CORIN: variants seen among roughly 807,000 people sequenced by gnomAD.
CORIN encodes atrial natriuretic peptide-converting enzyme.
CORIN carries 117 observed loss-of-function variants against 125.3 expected under a neutral mutation model. The observed-to-expected ratio is 0.93, with a 90% CI of 0.80 to 1.09. CORIN has a LOEUF of 1.09. Among genes scored for constraint, CORIN ranks in the 50% least tolerant of loss-of-function variants. The pLI is 0.00. For synonymous variants in CORIN, 450 were observed against 466.4 expected (o/e 0.96, Z 0.45); for missense variants, 1,253 against 1,306.7 (o/e 0.96, Z 0.63).
intron 4 of CORIN, among the ~76,000 whole-genome samples, chr4:47,755,261 C>T (rs937360985): frequency 1.3e-5 from 2 of 152,158 alleles, no homozygotes; most frequent in African/African-American, 2.4e-5. Context: ...CTTTCAATTA[C>T]TAGTTCTATT....
intron 2 of CORIN, 55 bp downstream of exon 2, chr4:47,806,848 G>C: frequency 6.5e-7 from 1 of 1,543,662 alleles, no homozygotes; most frequent in East Asian, 2.4e-5. Context: ...CACTCTTCTA[G>C]ATCATGCTAA....
chr4:47,667,962 C>G (rs555728905), intron 10 of CORIN, among the ~76,000 whole-genome samples: 1 of 152,200 alleles, frequency 6.6e-6, no homozygotes, highest in African/African-American at 2.4e-5. Flanking sequence ...GGTACAGCCC[C>G]CAAGAATGGG....
chr4:47,751,963 C>A (rs139397658), intron 4 of CORIN, among the ~76,000 whole-genome samples: 6 of 151,822 alleles, frequency 4.0e-5, no homozygotes, highest in African/African-American at 7.3e-5. Context: ...CAGGCCCCCC[C>A]ACCCACACTC....
intron 5 of CORIN, among the ~76,000 whole-genome samples, chr4:47,698,028 T>C (rs182476563): frequency 4.0e-5 from 6 of 151,762 alleles, no homozygotes; most frequent in African/African-American, 1.4e-4. Context: ...ATAACTATTA[T>C]TCTGTATATT....
intron 4 of CORIN, among the ~76,000 whole-genome samples, chr4:47,746,624 T>C (rs2109840951): frequency 6.6e-6 from 1 of 151,906 alleles, no homozygotes; most frequent in South Asian, 2.1e-4. Context: ...AGGCTCTGCC[T>C]CCTGGTTTCA....
chr4:47,723,076 C>T (rs1054098837), intron 5 of CORIN, among the ~76,000 whole-genome samples: 2 of 152,148 alleles, frequency 1.3e-5, no homozygotes, highest in African/African-American at 2.4e-5. Context: ...CGGGGAGTCC[C>T]CTGAGACATC....
At chr4:47,618,819 CA>C (rs34913715) in intron 19 of CORIN, among the ~76,000 whole-genome samples, 45,241 of 128,024 alleles carry the variant, frequency 0.35, 6,928 homozygotes, top group Admixed American at 0.45. Context: ...CTCTGTCTCA[CA>C]AAAAAAAAAA....
In CORIN at chr4:47,637,746, G is replaced by T. The variant is rs181906518; in HGVS notation, c.2198+4174C>A. Among the ~76,000 whole-genome samples the T allele has an allele frequency of 2.5e-3, 382 of 152,338 alleles. 6 individuals carry two copies. Among genetic ancestry groups the T allele is most frequent in the East Asian group, 5.2e-3 (27 of 5,180 alleles). On this transcript the variant is annotated intron_variant, in intron 16 of 21. Transcript: ENST00000273857. ...GCCTAGGCAGAAGTTTGCTGCAGGG[G>T]TGGGGCCCTCATGGAGAACCTCTGC... is the stretch of plus-strand genomic sequence containing the variant.
At chr4:47,641,511 A>G (rs926074044) in intron 16 of CORIN, among the ~76,000 whole-genome samples, 11 of 152,202 alleles carry the variant, frequency 7.2e-5, no homozygotes, top group Admixed American at 4.6e-4. Context: ...CCTTACTTAG[A>G]GTAAACAGAA....
chr4:47,605,770 T>C (rs1456487059), intron 19 of CORIN, among the ~76,000 whole-genome samples: 1 of 152,148 alleles, frequency 6.6e-6, no homozygotes, highest in Non-Finnish European at 1.5e-5. Context: ...GTCTGTATTT[T>C]TAAGAGCTCT....
At chr4:47,694,369 CTT>C (rs915398823) in intron 5 of CORIN, among the ~76,000 whole-genome samples, 7 of 152,002 alleles carry the variant, frequency 4.6e-5, no homozygotes, top group African/African-American at 1.7e-4. Context: ...AAAAAAATAA[CTT>C]TTTTATGAGC....
At chr4:47,667,542 C>A (rs142438850) in intron 10 of CORIN, among the ~76,000 whole-genome samples, 1,620 of 152,126 alleles carry the variant, frequency 0.011, 30 homozygotes, top group African/African-American at 0.038. Context: ...GGTATCCATG[C>A]AAATAGATTT....
At position 47,595,532 on chromosome 4, in the gene CORIN, G is replaced by C; in HGVS notation, c.*189C>G. 3 of 404,156 alleles carry C rather than the reference G, an allele frequency of 7.4e-6. 1 individual carries two copies. The South Asian group carries it at 2.3e-4, about 31-fold the overall frequency. 25.0% of individuals were successfully genotyped at this position (404,156 alleles called of 1,614,324 possible). On this transcript the variant is annotated 3_prime_UTR_variant, in exon 22 of 22. Transcript: ENST00000273857. ...GTCTTTCATTGAACTTGAAATAAGA[G>C]AAAAATGAAGGTGAAAAAATAAATT...
intron 13 of CORIN, among the ~76,000 whole-genome samples, chr4:47,650,534 T>C (rs1723692330): frequency 6.6e-6 from 1 of 152,164 alleles, no homozygotes; most frequent in Non-Finnish European, 1.5e-5. Context: ...CTCAAATCTA[T>C]AGAGTGATAG....
At chr4:47,737,287 C>CAT (rs1728176118) in intron 5 of CORIN, among the ~76,000 whole-genome samples, 1 of 152,182 alleles carries the variant, frequency 6.6e-6, no homozygotes, top group South Asian at 2.1e-4. Context: ...TACGTGTGAT[C>CAT]ATATATGTGT....
intron 3 of CORIN, among the ~76,000 whole-genome samples, chr4:47,779,137 T>C (rs921861899): frequency 2.6e-5 from 4 of 152,226 alleles, no homozygotes; most frequent in Non-Finnish European, 5.9e-5. Flanking sequence ...GTTACAAACA[T>C]TTCAAGATAT....
intron 19 of CORIN, among the ~76,000 whole-genome samples, chr4:47,605,114 A>T (rs1208046846): frequency 6.6e-6 from 1 of 152,102 alleles, no homozygotes; most frequent in African/African-American, 2.4e-5. Context: ...CTCAAGCATC[A>T]TCTGCTCAGA....
At chr4:47,811,607 C>G (rs1732065814) in intron 1 of CORIN, among the ~76,000 whole-genome samples, 1 of 152,154 alleles carries the variant, frequency 6.6e-6, no homozygotes. Flanking sequence ...GTTGTCCTTT[C>G]AAATATTCCT....
chr4:47,660,629 T>A (rs2109662065), intron 12 of CORIN, among the ~76,000 whole-genome samples: 1 of 152,202 alleles, frequency 6.6e-6, no homozygotes, highest in South Asian at 2.1e-4. Flanking sequence ...CAATGAGGTA[T>A]CATCTCACCC....
Sources: allele counts gnomAD v4.1 joint callset (sites outside exome capture counted in the v4.1 genomes callset), GRCh38; gene constraint gnomAD v4.1.1; transcripts MANE v1.5; gene names NCBI Gene and HGNC (gene_info 2026-07-23, HGNC 2026-07-21).